FAM149B1: variants seen among roughly 807,000 people sequenced by gnomAD.
FAM149B1 encodes family with sequence similarity 149 member B1.
Under a neutral mutation model 75.3 loss-of-function variants are expected in FAM149B1, and 56 were observed. That is an observed-to-expected ratio of 0.74 (90% CI 0.60 to 0.93). The LOEUF (loss-of-function observed/expected upper bound fraction) is 0.93. Ranked by LOEUF, FAM149B1 falls within the 40% of genes least tolerant of loss-of-function variation. FAM149B1 has a pLI of 0.00. For synonymous variants in FAM149B1, 259 were observed against 256.1 expected, an observed-to-expected ratio of 1.01 and a Z score of -0.11; for missense variants, 639 against 708.4, an observed-to-expected ratio of 0.90 and a Z score of 1.11.
At chr10:73,214,981 A>G (rs550230823) in intron 7 of FAM149B1, among the ~76,000 whole-genome samples, 4 of 151,908 alleles carry the variant, frequency 2.6e-5, no homozygotes, top group African/African-American at 7.3e-5. Flanking sequence ...CTGTGAATCT[A>G]TCTGGTTTTT....
At chr10:73,175,204 T>A (rs1023121872) in intron 2 of FAM149B1, among the ~76,000 whole-genome samples, 1 of 151,710 alleles carries the variant, frequency 6.6e-6, no homozygotes, top group African/African-American at 2.4e-5. Flanking sequence ...TACAAAAAAA[T>A]AAATAAATAA....
chr10:73,202,987 G>A (rs1266382578), intron 5 of FAM149B1, among the ~76,000 whole-genome samples: 1 of 152,290 alleles, frequency 6.6e-6, no homozygotes, highest in East Asian at 1.9e-4. Flanking sequence ...TCTTGCATAA[G>A]AGAAGTTTAC....
Position 73,176,731 on chromosome 10 carries a change from C to CA in FAM149B1, c.153-1107dup, listed in dbSNP as rs371464576. Among the ~76,000 whole-genome samples, 386 of 151,208 alleles carry CA rather than the reference C, an allele frequency of 2.6e-3. 1 individual carries two copies. The highest frequency in any genetic ancestry group is 8.9e-3 in the African/African-American group (365 of 41,178). On this transcript the variant is annotated intron_variant, in intron 2 of 13. Transcript: ENST00000242505. ...CAAAACTCTGTCTCTACCAAAAATA[C>CA]AAAAAAAAGAAAAGGCTGGGCACGG...
chr10:73,217,055 T>C (rs1387221853), intron 7 of FAM149B1, among the ~76,000 whole-genome samples: 1 of 152,206 alleles, frequency 6.6e-6, no homozygotes, highest in Admixed American at 6.5e-5. Context: ...TTCATGTGAG[T>C]GGAATCGTAT....
At position 73,204,872 on chromosome 10, in the gene FAM149B1, G is replaced by T. The variant is rs2043017101; in HGVS notation, c.543-3747G>T. On this transcript the variant is annotated intron_variant, in intron 5 of 13. Transcript: ENST00000242505. ...AGCTCACTGCAAGCTGTGCCTCCTGGGTTCACGCCATTTTCCTGCCTCAGC... is the reference window on the plus strand; with the variant it reads ...AGCTCACTGCAAGCTGTGCCTCCTGTGTTCACGCCATTTTCCTGCCTCAGC... Among the ~76,000 whole-genome samples, 3 of 141,280 alleles carry T rather than the reference G, an allele frequency of 2.1e-5. No individual in the cohort carries two copies. In the South Asian group the frequency reaches 6.7e-4, roughly 32 times the overall value. 92.7% of individuals were successfully genotyped at this position (141,280 alleles called of 152,430 possible).
Position 73,234,813 on chromosome 10 carries a change from G to T in FAM149B1, c.1353-4G>T, listed in dbSNP as rs768535982. 2 of 1,551,256 alleles carry T rather than the reference G, an allele frequency of 1.3e-6. No homozygotes were observed. Among genetic ancestry groups the T allele is most frequent in the South Asian group, 2.4e-5 (2 of 84,038 alleles). On this transcript the variant is annotated splice_polypyrimidine_tract_variant and splice_region_variant and intron_variant, in intron 10 of 13. Coordinates refer to ENST00000242505, the MANE Select transcript of FAM149B1 (RefSeq NM_173348.2). ...ACCTTCGTGTTTGTTGGTGGGATCT[G>T]CAGCCCAGTGGCACCCGACTCGCTC...
At chr10:73,222,545 T>G (rs915863714) in intron 7 of FAM149B1, among the ~76,000 whole-genome samples, 1 of 152,194 alleles carries the variant, frequency 6.6e-6, no homozygotes, top group Non-Finnish European at 1.5e-5. Flanking sequence ...TTTCTCTTCT[T>G]TAAGATACTC....
chr10:73,227,977 C>A, intron 7 of FAM149B1, 83 bp from the exon 8 acceptor site: 1 of 1,348,200 alleles, frequency 7.4e-7, no homozygotes, highest in Non-Finnish European at 1.0e-6. Context: ...ATTATGAATT[C>A]TCAGGAGAGA....
intron 7 of FAM149B1, among the ~76,000 whole-genome samples, chr10:73,215,723 GTTCT>G (rs2043285063): frequency 6.6e-6 from 1 of 152,160 alleles, no homozygotes. Context: ...GGTTTCCAGA[GTTCT>G]TTGTGGTGTT....
intron 10 of FAM149B1, 37 bp from the exon 11 acceptor site, chr10:73,234,780 G>A (rs1463468640): frequency 1.3e-6 from 2 of 1,548,190 alleles, no homozygotes; most frequent in South Asian, 1.2e-5. Context: ...ATAACTTCAT[G>A]CTTTCATACC....
chr10:73,190,721 CTTTT>C (rs35231374), intron 3 of FAM149B1, among the ~76,000 whole-genome samples: 1 of 134,284 alleles, frequency 7.4e-6, no homozygotes, highest in Non-Finnish European at 1.6e-5. Flanking sequence ...CCTCTGACTG[CTTTT>C]TTTTTTTTTT....
At chr10:73,230,732 C>G (rs1348793611) in intron 9 of FAM149B1, 1 of 480,550 alleles carries the variant, frequency 2.1e-6, no homozygotes, top group African/African-American at 2.0e-5. Context: ...AAAAAAAGAC[C>G]TAACCATATG....
chr10:73,169,413 A>G (rs1052419418), intron 1 of FAM149B1, among the ~76,000 whole-genome samples: 1 of 151,836 alleles, frequency 6.6e-6, no homozygotes, highest in Non-Finnish European at 1.5e-5. Context: ...AAGTAATAAT[A>G]GTGTCATACA....
intron 5 of FAM149B1, among the ~76,000 whole-genome samples, chr10:73,205,755 T>A (rs2043041193): frequency 6.6e-6 from 1 of 152,154 alleles, no homozygotes; most frequent in Non-Finnish European, 1.5e-5. Context: ...GGGTTCACTG[T>A]GTTGGCCAGG....
intron 2 of FAM149B1, 84 bp downstream of exon 2, chr10:73,174,875 C>T: frequency 1.1e-6 from 1 of 894,638 alleles, no homozygotes; most frequent in South Asian, 1.5e-5. Context: ...TGGTGTCAAG[C>T]CTTGTGCTAA....
chr10:73,180,930 A>G (rs10450305), intron 3 of FAM149B1, among the ~76,000 whole-genome samples: 23,707 of 150,764 alleles, frequency 0.16, 3,096 homozygotes, highest in African/African-American at 0.34. Flanking sequence ...CCCAGCCTCT[A>G]GTAATCATAA....
intron 5 of FAM149B1, among the ~76,000 whole-genome samples, chr10:73,205,879 T>C (rs75190303): frequency 1.3e-5 from 2 of 152,168 alleles, no homozygotes; most frequent in Non-Finnish European, 2.9e-5. Flanking sequence ...AATGCAAGAA[T>C]GACTTCATAC....
intron 12 of FAM149B1, among the ~76,000 whole-genome samples, chr10:73,238,480 T>C (rs2043872915): frequency 6.6e-6 from 1 of 152,270 alleles, no homozygotes; most frequent in African/African-American, 2.4e-5. Flanking sequence ...CCTACCGCCT[T>C]GTTTTGTAAA....
At position 73,171,441 on chromosome 10, in the gene FAM149B1, T is replaced by C. The variant is rs191616841; in HGVS notation, c.47+3055T>C. On this transcript the variant is annotated intron_variant, in intron 1 of 13. Coordinates refer to ENST00000242505, the MANE Select transcript of FAM149B1 (RefSeq NM_173348.2). ...GTAACTTTAGTTTTCTACCTAGCCA[T>C]TAAAAATTATAATTGTTGAAAAGAG... Among the ~76,000 whole-genome samples the C allele has an allele frequency of 2.5e-3, 385 of 152,288 alleles. 1 individual carries two copies. Among genetic ancestry groups the C allele is most frequent in the African/African-American group, 8.8e-3 (366 of 41,548 alleles).
Sources: gnomAD v4.1 joint callset for allele counts (sites outside exome capture counted in the v4.1 genomes callset) on GRCh38, gnomAD v4.1.1 for gene constraint, MANE v1.5 for transcripts, NCBI Gene and HGNC (gene_info 2026-07-23, HGNC 2026-07-21) for gene names.